The following CADM2 variants were observed in gnomAD, a reference collection of about 807,000 sequenced individuals.
CADM2 encodes cell adhesion molecule 2.
A neutral mutation model predicts 49.8 loss-of-function variants in CADM2; 12 were observed. The ratio of observed to expected loss-of-function variants is 0.24; its 90% CI spans 0.15 to 0.39. CADM2 has a LOEUF of 0.39. CADM2 is among the 10% of genes least tolerant of loss of function. CADM2 has a pLI of 1.00. For missense variants in CADM2, 378 were observed against 492.3 expected (o/e 0.77, Z 2.20); for synonymous variants, 214 against 175.4 (o/e 1.22, Z -1.74).
chr3:85,804,091 CT>C (rs1273358584), intron 3 of CADM2, among the ~76,000 whole-genome samples: 1 of 152,060 alleles, frequency 6.6e-6, no homozygotes, highest in African/African-American at 2.4e-5. Flanking sequence ...TAAACAATCT[CT>C]TTTTGCTTTT....
chr3:85,023,259 C>A (rs2034586019), intron 1 of CADM2, among the ~76,000 whole-genome samples: 1 of 151,984 alleles, frequency 6.6e-6, no homozygotes, highest in Admixed American at 6.6e-5. Flanking sequence ...TTTGTTTGGA[C>A]CTGCTTCAGC....
At chr3:85,909,138 C>T (rs1046891363) in intron 5 of CADM2, among the ~76,000 whole-genome samples, 3 of 152,130 alleles carry the variant, frequency 2.0e-5, no homozygotes, top group Non-Finnish European at 4.4e-5. Context: ...TGATGTAGAG[C>T]ATTTCCTTAA....
chr3:85,928,490 C>T lies in CADM2; in HGVS notation c.701-7277C>T, dbSNP rs541966456. Among the ~76,000 whole-genome samples, 8 of 152,156 alleles carry T rather than the reference C, an allele frequency of 5.3e-5. No homozygotes were observed. In the South Asian group the frequency reaches 1.7e-3, roughly 32 times the overall value. ...AAAAACCTTTTGTCCATAAATCTAG[C>T]TTTTGAAAGTAATTGTGTTTCTTCC... On this transcript the variant is annotated intron_variant, in intron 6 of 9. Coordinates refer to ENST00000383699, the MANE Select transcript of CADM2 (RefSeq NM_001167675.2).
At chr3:85,279,744 T>A (rs1341346056) in intron 1 of CADM2, among the ~76,000 whole-genome samples, 2 of 151,572 alleles carry the variant, frequency 1.3e-5, no homozygotes, top group African/African-American at 4.8e-5. Flanking sequence ...ATATTTGGTA[T>A]TCTCACCAAT....
At chr3:85,492,052 A>G (rs1252800780) in intron 1 of CADM2, among the ~76,000 whole-genome samples, 1 of 152,158 alleles carries the variant, frequency 6.6e-6, no homozygotes, top group Non-Finnish European at 1.5e-5. Context: ...TCATAGTTCA[A>G]CATTTAATTA....
chr3:85,867,334 T>C (rs1029371755), intron 3 of CADM2, among the ~76,000 whole-genome samples: 40 of 152,046 alleles, frequency 2.6e-4, no homozygotes, highest in Admixed American at 2.6e-3. Flanking sequence ...CACTCAAGTC[T>C]GTCACATTTA....
chr3:85,483,665 G>GAT (rs946412165), intron 1 of CADM2, among the ~76,000 whole-genome samples: 4 of 149,496 alleles, frequency 2.7e-5, no homozygotes, highest in Non-Finnish European at 4.5e-5. Context: ...ATATATATTT[G>GAT]ATATATATTT....
chr3:85,245,864 C>T (rs1218200716), intron 1 of CADM2, among the ~76,000 whole-genome samples: 1 of 152,098 alleles, frequency 6.6e-6, no homozygotes, highest in African/African-American at 2.4e-5. Flanking sequence ...GTGTTAATAA[C>T]TTATGTAGGA....
At chr3:85,232,589 A>G (rs1028557155) in intron 1 of CADM2, among the ~76,000 whole-genome samples, 2 of 152,168 alleles carry the variant, frequency 1.3e-5, no homozygotes, top group Admixed American at 6.5e-5. Flanking sequence ...AAGACAAACA[A>G]CCCAATTAAA....
At chr3:85,307,217 T>C (rs1402869972) in intron 1 of CADM2, among the ~76,000 whole-genome samples, 1 of 151,618 alleles carries the variant, frequency 6.6e-6, no homozygotes, top group East Asian at 1.9e-4. Context: ...ATCAAACCAG[T>C]ATTTTTGCCT....
At chr3:85,875,742 G>A (rs1425252945) in intron 3 of CADM2, among the ~76,000 whole-genome samples, 1 of 152,202 alleles carries the variant, frequency 6.6e-6, no homozygotes, top group East Asian at 1.9e-4. Context: ...ACAGGACTAA[G>A]TGGACAATGT....
chr3:85,604,570 G>C (rs565724789), intron 1 of CADM2, among the ~76,000 whole-genome samples: 5 of 151,992 alleles, frequency 3.3e-5, no homozygotes, highest in African/African-American at 1.2e-4. Flanking sequence ...AGGTGCCACT[G>C]AACAAAAAAT....
intron 5 of CADM2, among the ~76,000 whole-genome samples, chr3:85,892,340 G>A (rs1714557580): frequency 6.6e-6 from 1 of 152,184 alleles, no homozygotes. Flanking sequence ...ATGAGAGGCA[G>A]TAGGAGAAAT....
chr3:85,570,691 T>C (rs1477507053), intron 1 of CADM2, among the ~76,000 whole-genome samples: 1 of 152,180 alleles, frequency 6.6e-6, no homozygotes, highest in East Asian at 1.9e-4. Context: ...TTATTACAGA[T>C]GGTTGTCTTA....
At chr3:86,004,196 TA>T (rs1231435719) in intron 8 of CADM2, among the ~76,000 whole-genome samples, 1 of 152,174 alleles carries the variant, frequency 6.6e-6, no homozygotes, top group Non-Finnish European at 1.5e-5. Flanking sequence ...CTTTATTTTT[TA>T]ATGCCAAAGT....
chr3:85,109,045 A>T (rs2038354151), intron 1 of CADM2, among the ~76,000 whole-genome samples: 1 of 152,056 alleles, frequency 6.6e-6, no homozygotes, highest in Admixed American at 6.6e-5. Flanking sequence ...TAACAAGTTT[A>T]TTTATTACTT....
chr3:85,388,797 A>C (rs1156739824), intron 1 of CADM2, among the ~76,000 whole-genome samples: 1 of 152,156 alleles, frequency 6.6e-6, no homozygotes, highest in Non-Finnish European at 1.5e-5. Context: ...AAAAAAACAC[A>C]GAAAAATCAT....
At chr3:85,586,927 GAATGGCCC>G (rs1461097138) in intron 1 of CADM2, among the ~76,000 whole-genome samples, 1 of 152,048 alleles carries the variant, frequency 6.6e-6, no homozygotes, top group East Asian at 1.9e-4. Flanking sequence ...ACAATCATGA[GAATGGCCC>G]AATGAGGGGT....
At chr3:85,642,489 A>C (rs34799934) in intron 1 of CADM2, among the ~76,000 whole-genome samples, 31,425 of 152,084 alleles carry the variant, frequency 0.21, 3,709 homozygotes, top group East Asian at 0.53. Flanking sequence ...TTTTTAAAAA[A>C]TAGTTTAAAA....
Sources: gnomAD v4.1 joint callset for allele counts (sites outside exome capture counted in the v4.1 genomes callset) on GRCh38, gnomAD v4.1.1 for gene constraint, MANE v1.5 for transcripts, NCBI Gene and HGNC (gene_info 2026-07-23, HGNC 2026-07-21) for gene names.